FAM174B: variants seen among roughly 807,000 people sequenced by gnomAD.
FAM174B encodes family with sequence similarity 174 member B.
In FAM174B, 12 loss-of-function variants were observed where a neutral mutation model predicts 10.9. That is an observed-to-expected ratio of 1.10 (90% CI 0.71 to 1.79). FAM174B has a LOEUF of 1.79. FAM174B is among the 40% of genes most tolerant of loss of function. The pLI is 0.00. For missense variants in FAM174B, 266 were observed against 233.3 expected, an observed-to-expected ratio of 1.14 and a Z score of -0.91; for synonymous variants, 132 against 115.8, an observed-to-expected ratio of 1.14 and a Z score of -0.90.
Position 92,619,802 on chromosome 15 carries a change from T to C in FAM174B, c.477-343A>G, listed in dbSNP as rs552436865. On this transcript the variant is annotated intron_variant, in intron 2 of 2. Coordinates refer to ENST00000327355, the MANE Select transcript of FAM174B (RefSeq NM_207446.3). ...TCTGTGACAGTCCAGAGAGGAAATATTGTAAACTCTGCAGATCCCACAATC... is the reference window on the plus strand; with the variant it reads ...TCTGTGACAGTCCAGAGAGGAAATACTGTAAACTCTGCAGATCCCACAATC... The C allele has an allele frequency of 2.5e-5, 9 of 357,858 alleles. No individual in the cohort carries two copies. The Admixed American group carries it at 2.6e-4, about 10-fold the overall frequency. 22.2% of individuals were successfully genotyped at this position (357,858 alleles called of 1,614,324 possible).
chr15:92,642,867 C>T (rs285765), intron 1 of FAM174B, among the ~76,000 whole-genome samples: 149,198 of 152,332 alleles, frequency 0.98, 73,140 homozygotes, highest in East Asian at 1. Flanking sequence ...AAAGAAATGA[C>T]ACATGCCACA....
At chr15:92,622,957 A>G (rs1596293631) in intron 2 of FAM174B, among the ~76,000 whole-genome samples, 1 of 152,078 alleles carries the variant, frequency 6.6e-6, no homozygotes, top group Non-Finnish European at 1.5e-5. Flanking sequence ...GGAGTTCGAG[A>G]CCAGCCTGGC....
intron 2 of FAM174B, among the ~76,000 whole-genome samples, chr15:92,620,495 C>G (rs1043087794): frequency 6.6e-6 from 1 of 151,728 alleles, no homozygotes; most frequent in Admixed American, 6.6e-5. Flanking sequence ...AAGACTCCGT[C>G]TCAAAAAAAT....
At chr15:92,637,984 G>A (rs2050866916) in intron 1 of FAM174B, among the ~76,000 whole-genome samples, 1 of 152,218 alleles carries the variant, frequency 6.6e-6, no homozygotes, top group East Asian at 1.9e-4. Flanking sequence ...CTGTGTACTG[G>A]GTGGTGCTGG....
In FAM174B at chr15:92,635,646, T is replaced by C. The variant is rs372367905; in HGVS notation, c.345-5301A>G. Among the ~76,000 whole-genome samples, 20 of 148,526 alleles carry C rather than the reference T, an allele frequency of 1.3e-4. No homozygotes were observed. In the East Asian group the frequency reaches 3.9e-3, roughly 29 times the overall value. Reference sequence around the variant, plus strand: ...CCCAGGCTGGAGTGCAGTGGCACAATCTTGGCTAACTGCAACCTCCACCTC... The same window carrying C: ...CCCAGGCTGGAGTGCAGTGGCACAACCTTGGCTAACTGCAACCTCCACCTC... On this transcript the variant is annotated intron_variant, in intron 1 of 2. Transcript: ENST00000327355.
intron 1 of FAM174B, among the ~76,000 whole-genome samples, chr15:92,641,184 C>T (rs1002271661): frequency 2.6e-5 from 4 of 152,120 alleles, no homozygotes; most frequent in Admixed American, 6.5e-5. Flanking sequence ...CAATTTTTCA[C>T]CTATTAATTT....
In FAM174B at chr15:92,618,430, C is replaced by T. The variant is rs1398288951; in HGVS notation, c.*1026G>A. The T allele has an allele frequency of 3.3e-5, 5 of 152,396 alleles. No homozygotes were observed. The highest frequency in any genetic ancestry group is 3.9e-4 in the East Asian group (2 of 5,190). 9.4% of individuals were successfully genotyped at this position (152,396 alleles called of 1,614,324 possible). ...CACTCTCACCTGAACCTCTGCCTTC[C>T]GGCAGGGACCTCCTGGGTCCTGTGG... On this transcript the variant is annotated 3_prime_UTR_variant, in exon 3 of 3. Coordinates refer to ENST00000327355, the MANE Select transcript of FAM174B (RefSeq NM_207446.3).
chr15:92,655,464 C>A lies in FAM174B; in HGVS notation c.196G>T (p.Gly66Cys), dbSNP rs775700242. The change falls in exon 1 of 3, where the codon GGC becomes TGC. Residue 66 changes from glycine (G) to cysteine (C), a missense_variant. Coordinates refer to ENST00000327355, the MANE Select transcript of FAM174B (RefSeq NM_207446.3). ...RFGSGAAGGS[G>C]SSSSNSSGDA... ...CCACTGCTGTTGGAGCTGGAGCTGC[C>A]GCTGCCGCCCGCCGCCCCAGACCCA... 7 of 1,557,174 alleles carry A rather than the reference C, an allele frequency of 4.5e-6. No individual in the cohort carries two copies. The highest frequency in any genetic ancestry group is 5.1e-5 in the East Asian group (2 of 39,448).
rs1491461435 is a variant in FAM174B, at chr15:92,631,166, A to ATATTACAT, written c.345-822_345-821insATGTAATA. On this transcript the variant is annotated intron_variant, in intron 1 of 2. Coordinates refer to ENST00000327355, the MANE Select transcript of FAM174B (RefSeq NM_207446.3). ...TTACATATTATATTATATATTATAT[A>ATATTACAT]ATAATTTATATATTATATTATATAT... 1.1e-4 allele frequency among the ~76,000 whole-genome samples: 2 copies of ATATTACAT among 17,850 alleles called. 1 individual carries two copies. The highest frequency in any genetic ancestry group is 3.3e-4 in the Non-Finnish European group (2 of 6,060). The allele number at this position is 17,850 out of a possible 152,430, so 11.7% of individuals were successfully genotyped here. A position where few individuals can be genotyped will look rare whatever the true frequency, so the allele number is the denominator to read the frequency against.
chr15:92,618,110 A>C lies in FAM174B; in HGVS notation c.*1346T>G. 5.5e-6 allele frequency: 1 copy of C among 180,596 alleles called. No individual in the cohort carries two copies. Among genetic ancestry groups the C allele is most frequent in the Non-Finnish European group, 1.1e-5 (1 of 87,168 alleles). The allele number at this position is 180,596 out of a possible 1,614,324, so 11.2% of individuals were successfully genotyped here. A position where few individuals can be genotyped will look rare whatever the true frequency, so the allele number is the denominator to read the frequency against. On this transcript the variant is annotated 3_prime_UTR_variant, in exon 3 of 3. Transcript: ENST00000327355. ...CAAAAAAAAAAAGAGCAGGACAATA[A>C]ACAGGCAAATACACAAACCCTGGAG...
At position 92,617,566 on chromosome 15, in the gene FAM174B, T is replaced by G; in HGVS notation, c.*1890A>C. The G allele has an allele frequency of 1.9e-6, 1 of 539,502 alleles. No homozygotes were observed. Among genetic ancestry groups the G allele is most frequent in the African/African-American group, 2.0e-5 (1 of 50,196 alleles). The allele number at this position is 539,502 out of a possible 1,614,324, so 33.4% of individuals were successfully genotyped here. On this transcript the variant is annotated 3_prime_UTR_variant, in exon 3 of 3. Coordinates refer to ENST00000327355, the MANE Select transcript of FAM174B (RefSeq NM_207446.3). ...GGACCAGTGGCAAGCACCTGGCAGA[T>G]GGAGCCCGGGTGTTTCTGCGTAAGG... is the stretch of plus-strand genomic sequence containing the variant.
At chr15:92,637,138 C>T (rs1227106106) in intron 1 of FAM174B, among the ~76,000 whole-genome samples, 1 of 152,222 alleles carries the variant, frequency 6.6e-6, no homozygotes, top group African/African-American at 2.4e-5. Context: ...CCAGGCATTG[C>T]TACCCCCCAG....
chr15:92,637,201 C>A (rs1304745133), intron 1 of FAM174B, among the ~76,000 whole-genome samples: 7 of 152,218 alleles, frequency 4.6e-5, no homozygotes, highest in Admixed American at 2.0e-4. Flanking sequence ...GCACGACCAA[C>A]CCGAGCCAAT....
Position 92,655,588 on chromosome 15 carries a change from G to A in FAM174B, c.72C>T (p.Ala24=). 7.6e-7 allele frequency: 1 copy of A among 1,308,036 alleles called. No individual in the cohort carries two copies. The highest frequency in any genetic ancestry group is 9.7e-7 in the Non-Finnish European group (1 of 1,030,768). The allele number at this position is 1,308,036 out of a possible 1,614,324, so 81.0% of individuals were successfully genotyped here. ...AGACGGACTCGGCTCTGCTGGCGCGGGCGGCGGGAGCGGCCAGGAGCGCGA... is the reference window on the plus strand; with the variant it reads ...AGACGGACTCGGCTCTGCTGGCGCGAGCGGCGGGAGCGGCCAGGAGCGCGA... ...LLLALLAAPA[A]RASRAESVSA... is the part of the protein sequence containing the mutation. The change falls in exon 1 of 3, where the codon GCC becomes GCT. Residue 24 remains alanine, a synonymous_variant. Transcript: ENST00000327355.
chr15:92,638,618 T>C (rs975232331), intron 1 of FAM174B, among the ~76,000 whole-genome samples: 1 of 152,226 alleles, frequency 6.6e-6, no homozygotes, highest in African/African-American at 2.4e-5. Context: ...AATTCCCCTG[T>C]TGGTGTGCTT....
intron 1 of FAM174B, among the ~76,000 whole-genome samples, chr15:92,635,870 C>T (rs149963322): frequency 4.1e-3 from 628 of 152,204 alleles, no homozygotes; most frequent in African/African-American, 0.014. Context: ...CATGAGCCAC[C>T]GCACCCAGCA....
At chr15:92,653,492 A>G (rs1003546212) in intron 1 of FAM174B, among the ~76,000 whole-genome samples, 8 of 152,244 alleles carry the variant, frequency 5.3e-5, no homozygotes, top group South Asian at 2.1e-4. Flanking sequence ...CCAACTGAAC[A>G]ATCAGGAAGT....
chr15:92,638,421 A>G (rs975115472), intron 1 of FAM174B, among the ~76,000 whole-genome samples: 1 of 152,202 alleles, frequency 6.6e-6, no homozygotes, highest in Non-Finnish European at 1.5e-5. Context: ...CCACTTATAC[A>G]AACAAGGAGG....
chr15:92,635,448 T>C (rs751170147), intron 1 of FAM174B, among the ~76,000 whole-genome samples: 18 of 152,196 alleles, frequency 1.2e-4, no homozygotes, highest in Admixed American at 4.6e-4. Flanking sequence ...TTCCCAGCTG[T>C]GGTGCACCGG....
Sources: allele counts gnomAD v4.1 joint callset (sites outside exome capture counted in the v4.1 genomes callset), GRCh38; gene constraint gnomAD v4.1.1; transcripts MANE v1.5; gene names NCBI Gene and HGNC (gene_info 2026-07-23, HGNC 2026-07-21).